The following CELF2 variants were observed in gnomAD, a reference collection of about 807,000 sequenced individuals.
CELF2 encodes the protein CUGBP Elav-like family member 2, also known as CUG triplet repeat RNA-binding protein 2.
A neutral mutation model predicts 62.6 loss-of-function variants in CELF2; 8 were observed. The observed-to-expected ratio is 0.13, with a 90% CI of 0.07 to 0.23. The LOEUF (loss-of-function observed/expected upper bound fraction) is 0.23, where lower values mean the gene tolerates loss of function less well. Among genes scored for constraint, CELF2 ranks in the 10% least tolerant of loss-of-function variants. CELF2 has a pLI of 1.00. For missense variants in CELF2, 333 were observed against 671.0 expected (o/e 0.50, Z 5.56); for synonymous variants, 258 against 250.0 (o/e 1.03, Z -0.30).
intron 1 of CELF2, chr10:11,102,309 C>T (rs1188515296): frequency 6.6e-6 from 1 of 152,160 alleles, no homozygotes; most frequent in Non-Finnish European, 1.5e-5. Context: ...CTAAAGTAAT[C>T]AATTAAAAGA....
At chr10:10,819,219 T>G (rs1260537159) in intron 1 of CELF2, among the ~76,000 whole-genome samples, 1 of 152,198 alleles carries the variant, frequency 6.6e-6, no homozygotes, top group Non-Finnish European at 1.5e-5. Flanking sequence ...ATCCTTGCTT[T>G]AATGGGGTTT....
rs992565119 is a variant in CELF2 at position 10,913,850 on chromosome 10, G to A, written c.54-6114G>A. Among the ~76,000 whole-genome samples, 12 of 116,758 alleles carry A rather than the reference G, an allele frequency of 1.0e-4. No individual in the cohort carries two copies. In the East Asian group the frequency reaches 2.2e-3, roughly 21 times the overall value. 76.6% of individuals were successfully genotyped at this position (116,758 alleles called of 152,430 possible). A position where few individuals can be genotyped will look rare whatever the true frequency, so the allele number is the denominator to read the frequency against. On this transcript the variant is annotated intron_variant, in intron 1 of 13. Transcript: ENST00000636488. Reference sequence around the variant, plus strand: ...GGGAGGGAAGGAAGGAAGGAAGGAGGGAAGGAGAGAAGGAAGGAAGGAAGG... The same window carrying A: ...GGGAGGGAAGGAAGGAAGGAAGGAGAGAAGGAGAGAAGGAAGGAAGGAAGG...
intron 2 of CELF2, chr10:11,171,123 A>T (rs1284986353): frequency 6.6e-6 from 1 of 152,236 alleles, no homozygotes; most frequent in East Asian, 1.9e-4. Flanking sequence ...ACCAAAGGAA[A>T]AAACTTCCTT....
At chr10:11,000,927 C>T (rs1032017102), upstream of CELF2, among the ~76,000 whole-genome samples, 2 of 152,230 alleles carry the variant, frequency 1.3e-5, no homozygotes, top group Non-Finnish European at 2.9e-5. Flanking sequence ...GCAGACGTCA[C>T]TGCTTTGCCT....
chr10:10,520,204 A>C, the CELF2 span, among the ~76,000 whole-genome samples: 1 of 152,208 alleles, frequency 6.6e-6, no homozygotes, highest in Non-Finnish European at 1.5e-5. Context: ...AGAAACCTGA[A>C]ATTTCTATAA....
At chr10:10,567,424 G>A in the CELF2 span, among the ~76,000 whole-genome samples, 1 of 152,252 alleles carries the variant, frequency 6.6e-6, no homozygotes, top group South Asian at 2.1e-4. Context: ...AGTATAGGAG[G>A]TTTATCTGGG....
At chr10:10,927,456 C>T (rs1263023770) in intron 2 of CELF2, among the ~76,000 whole-genome samples, 2 of 150,362 alleles carry the variant, frequency 1.3e-5, no homozygotes, top group Non-Finnish European at 1.5e-5. Context: ...TGAAATGGGT[C>T]TCACTCTGTT....
the CELF2 span, among the ~76,000 whole-genome samples, chr10:10,724,426 CG>C: frequency 1.3e-3 from 194 of 152,108 alleles, no homozygotes; most frequent in African/African-American, 4.4e-3. Flanking sequence ...GAGGCCAAAG[CG>C]GGCAGATCAT....
chr10:10,553,847 G>A, the CELF2 span, among the ~76,000 whole-genome samples: 3 of 152,278 alleles, frequency 2.0e-5, no homozygotes, highest in East Asian at 5.8e-4. Context: ...AAGCTCAATG[G>A]TCAGGGTGGG....
Position 11,257,817 on chromosome 10 carries a change from A to C in CELF2, c.483A>C (p.Pro161=). ...NENDIRVMFS[P]FGQIEECRIL... ...ACGACATCAGGGTGATGTTCTCTCC[A>C]TTTGGCCAGATAGAAGAATGCCGGA... Residue 161 remains proline (P), a synonymous_variant, in exon 5 of 13, where the codon CCA becomes CCC. Transcript: ENST00000633077. 6.2e-7 allele frequency: 1 copy of C among 1,614,216 alleles called. No homozygotes were observed. The highest frequency in any genetic ancestry group is 1.1e-5 in the South Asian group (1 of 91,084).
chr10:11,033,736 A>T (rs2060511642), intron 1 of CELF2, among the ~76,000 whole-genome samples: 1 of 152,262 alleles, frequency 6.6e-6, no homozygotes, highest in Non-Finnish European at 1.5e-5. Context: ...GAGCCCCTAC[A>T]GTGGCAAATT....
At chr10:10,537,965 A>G in the CELF2 span, among the ~76,000 whole-genome samples, 1 of 152,122 alleles carries the variant, frequency 6.6e-6, no homozygotes, top group Non-Finnish European at 1.5e-5. Context: ...ATACAGTCCA[A>G]GTGCGATGAG....
chr10:11,313,691 C>G (rs1302276672), intron 9 of CELF2, among the ~76,000 whole-genome samples: 1 of 151,990 alleles, frequency 6.6e-6, no homozygotes, highest in Non-Finnish European at 1.5e-5. Flanking sequence ...TAGGAACACT[C>G]TCCCAGTCAC....
intron 1 of CELF2, among the ~76,000 whole-genome samples, chr10:11,089,201 A>G (rs913054701): frequency 9.2e-5 from 14 of 152,176 alleles, no homozygotes; most frequent in African/African-American, 3.4e-4. Flanking sequence ...GTTGCAAAAG[A>G]GCATGTGGGA....
chr10:11,125,658 A>G (rs1306113064), intron 1 of CELF2, among the ~76,000 whole-genome samples: 5 of 152,090 alleles, frequency 3.3e-5, no homozygotes, highest in Non-Finnish European at 5.9e-5. Flanking sequence ...ATGCTGTTAG[A>G]GCGGTGATGG....
At position 11,220,049 on chromosome 10, in the gene CELF2, T is replaced by C. The variant is rs1268765747; in HGVS notation, c.354+2542T>C. On this transcript the variant is annotated intron_variant, in intron 3 of 12. Transcript: ENST00000633077. This position sits in a 1 kb window ranked among gnomAD's most constrained non-coding sequence, Gnocchi z 4.4. The stretch of plus-strand genomic sequence containing the variant: ...GAAATTAATGATGCACTTTGCCATA[T>C]GCCTTCAATTTCTTTCTGAATAAAA... Among the ~76,000 whole-genome samples the C allele has an allele frequency of 6.6e-6, 1 of 152,244 alleles. No individual in the cohort carries two copies. Among genetic ancestry groups the C allele is most frequent in the Non-Finnish European group, 1.5e-5 (1 of 68,040 alleles).
chr10:10,614,856 C>T, the CELF2 span, among the ~76,000 whole-genome samples: 34 of 152,064 alleles, frequency 2.2e-4, no homozygotes, highest in Non-Finnish European at 4.3e-4. Context: ...ATCTGTTCTT[C>T]AGGAAACAGA....
rs1247543826 is a variant in CELF2 at position 10,857,039 on chromosome 10, C to G, written c.53+58222C>G. On this transcript the variant is annotated intron_variant, in intron 1 of 13. Coordinates refer to the CELF2 transcript ENST00000636488. ...CCATAATCATCCCAGCTTTCTGATACCTTCTGGACAACAGCAAAGGAAGGG... is the reference window on the plus strand; with the variant it reads ...CCATAATCATCCCAGCTTTCTGATAGCTTCTGGACAACAGCAAAGGAAGGG... Among the ~76,000 whole-genome samples the G allele has an allele frequency of 2.6e-5, 4 of 152,002 alleles. No homozygotes were observed. The East Asian group carries it at 7.7e-4, about 29-fold the overall frequency.
intron 1 of CELF2, among the ~76,000 whole-genome samples, chr10:11,151,425 G>A (rs528880299): frequency 2.0e-5 from 3 of 152,304 alleles, no homozygotes; most frequent in East Asian, 1.9e-4. Context: ...TGCTGTTGCC[G>A]ACAGTTTATG....
Sources: gnomAD v4.1 joint callset for allele counts (sites outside exome capture counted in the v4.1 genomes callset) on GRCh38, gnomAD v4.1.1 for gene constraint, Gnocchi (gnomAD v3.1) non-coding constraint, MANE v1.5 for transcripts, NCBI Gene and HGNC (gene_info 2026-07-23, HGNC 2026-07-21) for gene names.